The following PNKD variants were observed in gnomAD, a reference collection of about 807,000 sequenced individuals.
The protein encoded by PNKD is probable thioesterase PNKD.
PNKD carries 36 observed loss-of-function variants against 45.3 expected under a neutral mutation model. That is an observed-to-expected ratio of 0.80 (90% CI 0.61 to 1.05). The LOEUF (loss-of-function observed/expected upper bound fraction) is 1.05, where lower values mean the gene tolerates loss of function less well. PNKD is among the 50% of genes least tolerant of loss of function. PNKD has a pLI of 0.00. For synonymous variants in PNKD, 197 were observed against 210.1 expected, an observed-to-expected ratio of 0.94 and a Z score of 0.54; for missense variants, 511 against 506.6, an observed-to-expected ratio of 1.01 and a Z score of -0.08.
intron 2 of PNKD, among the ~76,000 whole-genome samples, chr2:218,324,985 CTAAA>C (rs1694103089): frequency 7.4e-6 from 1 of 134,840 alleles, no homozygotes; most frequent in African/African-American, 2.9e-5. Flanking sequence ...ATGAAGGTAT[CTAAA>C]TAATTTTCTT....
chr2:218,270,974 A>T, intron 1 of PNKD: 1 of 317,614 alleles, frequency 3.1e-6, no homozygotes, highest in Non-Finnish European at 5.8e-6. Context: ...TCAGGGCTTC[A>T]GTTTCCTCTT....
At chr2:218,329,693 G>A (rs1694264192) in intron 2 of PNKD, among the ~76,000 whole-genome samples, 1 of 152,238 alleles carries the variant, frequency 6.6e-6, no homozygotes, top group African/African-American at 2.4e-5. Flanking sequence ...CCTCTCCTGT[G>A]CATGCGGAAG....
intron 2 of PNKD, among the ~76,000 whole-genome samples, chr2:218,315,057 T>TCTTTCTTTCTTTCTTCTTTCCTTCCTTC (rs61429059): frequency 1.8e-5 from 1 of 55,544 alleles, no homozygotes; most frequent in Non-Finnish European, 3.9e-5. Flanking sequence ...TTTCTTTCTT[T>TCTTTCTTTCTTTCTTCTTTCCTTCCTTC]CTTCCTTCCT....
At chr2:218,309,908 C>T (rs1016460213) in intron 2 of PNKD, among the ~76,000 whole-genome samples, 3 of 151,512 alleles carry the variant, frequency 2.0e-5, no homozygotes, top group African/African-American at 7.3e-5. Context: ...GCACTCCAGC[C>T]TGGCGACAGA....
intron 2 of PNKD, chr2:218,323,210 C>T: frequency 7.1e-7 from 1 of 1,417,464 alleles, no homozygotes; most frequent in Non-Finnish European, 9.2e-7. Context: ...GGGGCCGGGG[C>T]CGGGCCGTTG....
intron 2 of PNKD, chr2:218,318,056 A>C (rs1234697177): frequency 6.6e-6 from 1 of 152,366 alleles, no homozygotes; most frequent in Admixed American, 6.5e-5. Flanking sequence ...ATGCCAACCA[A>C]GCACCAGTCA....
intron 2 of PNKD, among the ~76,000 whole-genome samples, chr2:218,314,793 G>A (rs572179480): frequency 7.3e-5 from 11 of 151,598 alleles, no homozygotes; most frequent in South Asian, 4.2e-4. Flanking sequence ...GGGTTCAAGC[G>A]ATTTCTTGTG....
At position 218,271,502 on chromosome 2, in the gene PNKD, T is replaced by C. The variant is rs146100906; in HGVS notation, c.189T>C (p.Ile63=). 1.2e-5 allele frequency: 20 copies of C among 1,613,920 alleles called. No homozygotes were observed. The highest frequency in any genetic ancestry group is 1.6e-4 in the Middle Eastern group (1 of 6,084). Reference sequence around the variant, plus strand: ...CCCTATCCCCGGAGCTGGAATACATTCCCAGAAAGAGGGGCAAGAACCCCA... The same window carrying C: ...CCCTATCCCCGGAGCTGGAATACATCCCCAGAAAGAGGGGCAAGAACCCCA... The part of the protein sequence containing the change: ...PEPLSPELEY[I]PRKRGKNPMK... Residue 63 remains isoleucine, a synonymous_variant, in exon 2 of 10, where the codon ATT becomes ATC. Transcript: ENST00000273077.
chr2:218,285,854 C>T, intron 2 of PNKD: 1 of 153,152 alleles, frequency 6.5e-6, no homozygotes, highest in Non-Finnish European at 1.5e-5. Flanking sequence ...TGCTCTTGGG[C>T]TTCTGCCCAG....
At chr2:218,279,553 C>T in intron 2 of PNKD, 1 of 536,354 alleles carries the variant, frequency 1.9e-6, no homozygotes, top group East Asian at 3.1e-5. Flanking sequence ...CCTGCCATCT[C>T]CCCTCCTGTC....
At chr2:218,272,495 AGAAT>A (rs1293968797) in intron 2 of PNKD, 1 of 1,364,588 alleles carries the variant, frequency 7.3e-7, no homozygotes, top group Non-Finnish European at 1.0e-6. Flanking sequence ...TGATGAAGCT[AGAAT>A]GACTCCCCCC....
chr2:218,334,929 G>T (rs979217249), intron 2 of PNKD, among the ~76,000 whole-genome samples: 1 of 151,912 alleles, frequency 6.6e-6, no homozygotes, highest in African/African-American at 2.4e-5. Context: ...GTGTGCTCTT[G>T]TGTGTTAGAA....
chr2:218,273,275 GTT>G (rs1371065640), intron 2 of PNKD, among the ~76,000 whole-genome samples: 1 of 152,050 alleles, frequency 6.6e-6, no homozygotes, highest in Admixed American at 6.5e-5. Context: ...TTTGTTTTTT[GTT>G]TTTTGTTTTT....
At chr2:218,322,405 A>C (rs1694014006) in intron 2 of PNKD, among the ~76,000 whole-genome samples, 1 of 152,190 alleles carries the variant, frequency 6.6e-6, no homozygotes, top group Non-Finnish European at 1.5e-5. Context: ...TCAGGAGGGC[A>C]GCAGTGAGGG....
chr2:218,312,510 A>T (rs983174510), intron 2 of PNKD, among the ~76,000 whole-genome samples: 6 of 151,134 alleles, frequency 4.0e-5, no homozygotes, highest in African/African-American at 1.5e-4. Context: ...CAAGGAAAAA[A>T]GGGAGGGGTG....
At chr2:218,277,190 C>T in intron 2 of PNKD, 7 of 1,239,142 alleles carry the variant, frequency 5.6e-6, no homozygotes, top group Non-Finnish European at 8.3e-6. Context: ...AGTGCTGCCT[C>T]CTAGGGGGTA....
intron 2 of PNKD, among the ~76,000 whole-genome samples, chr2:218,337,310 T>C (rs1694526624): frequency 6.6e-6 from 1 of 152,150 alleles, no homozygotes; most frequent in African/African-American, 2.4e-5. Context: ...CCTGACCATG[T>C]GATCCACCTG....
At chr2:218,337,290 G>C (rs1694526211) in intron 2 of PNKD, among the ~76,000 whole-genome samples, 1 of 152,014 alleles carries the variant, frequency 6.6e-6, no homozygotes, top group African/African-American at 2.4e-5. Context: ...GGCCAGGCTG[G>C]TCTTGAACTC....
At chr2:218,331,982 T>G (rs1694338442) in intron 2 of PNKD, among the ~76,000 whole-genome samples, 1 of 152,158 alleles carries the variant, frequency 6.6e-6, no homozygotes, top group Non-Finnish European at 1.5e-5. Flanking sequence ...CCTTTCACTC[T>G]TGGGAGCACG....
Sources: allele counts gnomAD v4.1 joint callset (sites outside exome capture counted in the v4.1 genomes callset), GRCh38; gene constraint gnomAD v4.1.1; transcripts MANE v1.5; gene names NCBI Gene and HGNC (gene_info 2026-07-23, HGNC 2026-07-21).